Variants in MYO18B observed in about 807,000 individuals in gnomAD.
MYO18B encodes the protein myosin XVIIIB, also known as unconventional myosin-XVIIIb.
In MYO18B, 204 loss-of-function variants were observed where a neutral mutation model predicts 273.0. The observed-to-expected ratio is 0.75, with a 90% CI of 0.67 to 0.84. MYO18B has a LOEUF of 0.84. Ranked by LOEUF, MYO18B falls within the 40% of genes least tolerant of loss-of-function variation. MYO18B has a pLI of 0.00. For synonymous variants in MYO18B, 1,330 were observed against 1,305.7 expected, an observed-to-expected ratio of 1.02 and a Z score of -0.40; for missense variants, 3,212 against 3,287.6, an observed-to-expected ratio of 0.98 and a Z score of 0.56.
At chr22:25,918,203 A>C (rs1159840222) in intron 33 of MYO18B, among the ~76,000 whole-genome samples, 1 of 152,158 alleles carries the variant, frequency 6.6e-6, no homozygotes, top group Non-Finnish European at 1.5e-5. Context: ...AGCAACACGC[A>C]TTCTGTCTCC....
chr22:25,960,555 G>T (rs12160902), intron 39 of MYO18B, among the ~76,000 whole-genome samples: 2,321 of 152,266 alleles, frequency 0.015, 74 homozygotes, highest in African/African-American at 0.053. Flanking sequence ...CTTGCATGGT[G>T]CTTCTGCTCA....
At chr22:26,035,730 C>G (rs1160181660), downstream of MYO18B, among the ~76,000 whole-genome samples, 4 of 152,182 alleles carry the variant, frequency 2.6e-5, no homozygotes, top group Non-Finnish European at 2.9e-5. Context: ...TCAAACCTCT[C>G]CCTCCTCAAC....
At chr22:25,844,459 G>A (rs886688165) in intron 18 of MYO18B, among the ~76,000 whole-genome samples, 1 of 152,176 alleles carries the variant, frequency 6.6e-6, no homozygotes, top group African/African-American at 2.4e-5. Context: ...AGACGACCAG[G>A]GAGGTGCTGG....
downstream of MYO18B, among the ~76,000 whole-genome samples, chr22:26,033,020 C>G (rs1379052441): frequency 2.0e-5 from 3 of 152,056 alleles, no homozygotes; most frequent in African/African-American, 7.2e-5. Flanking sequence ...GAATAATTTA[C>G]TATTCATACA....
chr22:26,020,630 C>CT (rs1449170718), intron 42 of MYO18B, among the ~76,000 whole-genome samples: 1 of 152,192 alleles, frequency 6.6e-6, no homozygotes, highest in East Asian at 1.9e-4. Context: ...ACTGTAGTGT[C>CT]TTTTGCCTCA....
intron 21 of MYO18B, among the ~76,000 whole-genome samples, chr22:25,860,757 A>G (rs1569121376): frequency 6.6e-6 from 1 of 152,174 alleles, no homozygotes; most frequent in Non-Finnish European, 1.5e-5. Context: ...GTGGCCTAAT[A>G]TTATATATCT....
At chr22:25,860,187 G>C (rs1413775743) in intron 21 of MYO18B, among the ~76,000 whole-genome samples, 2 of 152,108 alleles carry the variant, frequency 1.3e-5, no homozygotes, top group Admixed American at 6.5e-5. Context: ...TCATTCTATT[G>C]GTCTGACTGT....
rs886175802 is a variant in MYO18B, at chr22:26,027,998, C to T, written c.*12+308C>T. 2.0e-5 allele frequency among the ~76,000 whole-genome samples: 3 copies of T among 152,058 alleles called. No individual in the cohort carries two copies. Among genetic ancestry groups the T allele is most frequent in the African/African-American group, 7.2e-5 (3 of 41,390 alleles). On this transcript the variant is annotated intron_variant, in intron 43 of 43. Transcript: ENST00000335473. This position sits in a 1 kb window ranked among gnomAD's most constrained non-coding sequence, Gnocchi z 4.1. ...GTGGCTCACGCCTGTAATCCCAGCA[C>T]TTTGGGAGGCCAAGGCGGGTGGATC...
chr22:25,893,792 C>T (rs907376302), intron 27 of MYO18B, among the ~76,000 whole-genome samples: 5 of 151,898 alleles, frequency 3.3e-5, no homozygotes, highest in African/African-American at 1.2e-4. Flanking sequence ...CCCATCCACC[C>T]ATCCACCCAT....
At chr22:25,892,010 A>G (rs1160689016) in intron 27 of MYO18B, among the ~76,000 whole-genome samples, 1 of 152,234 alleles carries the variant, frequency 6.6e-6, no homozygotes, top group Admixed American at 6.5e-5. Flanking sequence ...TCTCAAAAAA[A>G]TAAAAGCAAA....
intron 37 of MYO18B, among the ~76,000 whole-genome samples, chr22:25,950,913 C>A (rs182100733): frequency 3.3e-4 from 51 of 152,246 alleles, no homozygotes; most frequent in African/African-American, 1.2e-3. Flanking sequence ...CACAAGGTCC[C>A]ACAATAGGCC....
chr22:25,914,184 G>A (rs2092216030), intron 33 of MYO18B, among the ~76,000 whole-genome samples: 1 of 151,946 alleles, frequency 6.6e-6, no homozygotes, highest in Non-Finnish European at 1.5e-5. Context: ...CTTCATGGCT[G>A]GGTTTTGATA....
At chr22:25,797,920 C>T in intron 11 of MYO18B, 33 bp from the exon 12 acceptor site, 1 of 1,613,948 alleles carries the variant, frequency 6.2e-7, no homozygotes, top group Non-Finnish European at 8.5e-7. Context: ...ATCGCGATGG[C>T]CTTGTTTTCT....
intron 8 of MYO18B, among the ~76,000 whole-genome samples, chr22:25,779,592 G>A (rs2087051372): frequency 6.6e-6 from 1 of 152,222 alleles, no homozygotes. Context: ...AGGTCAGGCT[G>A]TATCGAGGTG....
At chr22:25,790,751 C>A (rs2087625849) in intron 11 of MYO18B, among the ~76,000 whole-genome samples, 1 of 152,210 alleles carries the variant, frequency 6.6e-6, no homozygotes, top group African/African-American at 2.4e-5. Flanking sequence ...ATTTTCTCCC[C>A]AGTATCATTT....
chr22:25,876,042 G>GTGTA lies in MYO18B; in HGVS notation c.4081-143_4081-140dup, dbSNP rs765913125. 1.9e-4 allele frequency: 86 copies of GTGTA among 446,228 alleles called. 2 individuals are homozygous for GTGTA. In the South Asian group the frequency reaches 2.0e-3, roughly 10 times the overall value. 27.6% of individuals were successfully genotyped at this position (446,228 alleles called of 1,614,324 possible). A position where few individuals can be genotyped will look rare whatever the true frequency, so the allele number is the denominator to read the frequency against. On this transcript the variant is annotated intron_variant, in intron 23 of 43. Transcript: ENST00000335473. Reference sequence around the variant, plus strand: ...TGTGTGTGTGTGTGTGTGTGTGTGTGTGTATGTGTTTTAAGGTATCCAGTC... The same window carrying GTGTA: ...TGTGTGTGTGTGTGTGTGTGTGTGTGTGTATGTATGTGTTTTAAGGTATCCAGTC...
At chr22:26,032,299 G>A (rs75235850), downstream of MYO18B, among the ~76,000 whole-genome samples, 12,527 of 152,188 alleles carry the variant, frequency 0.082, 527 homozygotes, top group Middle Eastern at 0.14. Context: ...CATGTTTCTG[G>A]AGGCAGGAAG....
At chr22:26,058,629 C>T in the MYO18B span, among the ~76,000 whole-genome samples, 10,490 of 152,182 alleles carry the variant, frequency 0.069, 661 homozygotes, top group African/African-American at 0.18. Flanking sequence ...GCGCTGTCCT[C>T]ATGGTAATGA....
rs367967351 is a variant in MYO18B at position 25,985,764 on chromosome 22, G to A, written c.6157-6599G>A. Among the ~76,000 whole-genome samples, 139 of 152,068 alleles carry A rather than the reference G, an allele frequency of 9.1e-4. 4 individuals carry two copies. The South Asian group carries it at 0.028, about 31-fold the overall frequency. On this transcript the variant is annotated intron_variant, in intron 39 of 43. Coordinates refer to ENST00000335473, the MANE Select transcript of MYO18B (RefSeq NM_032608.7). The stretch of plus-strand genomic sequence containing the variant: ...CCTGCCTCAGTCTCCTGAGTAGCTG[G>A]GACTACAGGTGCATGCCACCACACT...
Sources: allele counts gnomAD v4.1 joint callset (sites outside exome capture counted in the v4.1 genomes callset), GRCh38; gene constraint gnomAD v4.1.1; non-coding constraint Gnocchi (gnomAD v3.1); transcripts MANE v1.5; gene names NCBI Gene and HGNC (gene_info 2026-07-23, HGNC 2026-07-21).